Variants in SLC26A7 observed in about 807,000 individuals in gnomAD.
The protein encoded by SLC26A7 is anion exchange transporter.
In SLC26A7, 59 loss-of-function variants were observed where a neutral mutation model predicts 82.5. The ratio of observed to expected loss-of-function variants is 0.72; its 90% CI spans 0.58 to 0.89. SLC26A7 has a LOEUF of 0.89. Ranked by LOEUF, SLC26A7 falls within the 40% of genes least tolerant of loss-of-function variation. The pLI is 0.00. For missense variants in SLC26A7, 820 were observed against 793.0 expected, an observed-to-expected ratio of 1.03 and a Z score of -0.41; for synonymous variants, 271 against 274.3, an observed-to-expected ratio of 0.99 and a Z score of 0.12.
At chr8:91,374,572 C>T (rs1814456069) in intron 15 of SLC26A7, among the ~76,000 whole-genome samples, 1 of 151,906 alleles carries the variant, frequency 6.6e-6, no homozygotes, top group South Asian at 2.1e-4. Context: ...ACACTTTTAT[C>T]CCACTGTATT....
At chr8:91,307,605 C>T (rs2130793558) in intron 4 of SLC26A7, among the ~76,000 whole-genome samples, 1 of 132,626 alleles carries the variant, frequency 7.5e-6, no homozygotes. Flanking sequence ...ACAATGAGAT[C>T]ACATGGACAC....
chr8:91,296,782 A>T (rs186896489), intron 4 of SLC26A7, among the ~76,000 whole-genome samples: 4 of 152,158 alleles, frequency 2.6e-5, no homozygotes, highest in Non-Finnish European at 5.9e-5. Flanking sequence ...TATCTGAGCT[A>T]TCATAAAATA....
intron 2 of SLC26A7, among the ~76,000 whole-genome samples, chr8:91,285,253 C>A (rs2130759167): frequency 6.6e-6 from 1 of 152,384 alleles, no homozygotes; most frequent in East Asian, 1.9e-4. Context: ...TGTTCACATG[C>A]CTTCATCGTC....
At chr8:91,358,988 G>A (rs1027327942) in intron 11 of SLC26A7, among the ~76,000 whole-genome samples, 2 of 152,154 alleles carry the variant, frequency 1.3e-5, no homozygotes, top group African/African-American at 4.8e-5. Context: ...TAAATGACGA[G>A]TTAATGGCTG....
intron 16 of SLC26A7, among the ~76,000 whole-genome samples, chr8:91,393,147 A>T (rs1808455463): frequency 6.6e-6 from 1 of 152,142 alleles, no homozygotes; most frequent in East Asian, 1.9e-4. Flanking sequence ...AAACGCCTAA[A>T]TTTACTTTTA....
rs75822778 is a variant in SLC26A7, at chr8:91,338,769, A to G, written c.878+537A>G. 4.2e-3 allele frequency among the ~76,000 whole-genome samples: 633 copies of G among 152,292 alleles called. 5 individuals carry two copies. Among genetic ancestry groups the G allele is most frequent in the African/African-American group, 0.014 (575 of 41,584 alleles). On this transcript the variant is annotated intron_variant, in intron 7 of 18. Coordinates refer to ENST00000276609, the MANE Select transcript of SLC26A7 (RefSeq NM_052832.4). Reference sequence around the variant, plus strand: ...TAACAAAAGAGATGTTCACCCTAAAATGAGCAAAAGTTCGTACCACATATG... The same window carrying G: ...TAACAAAAGAGATGTTCACCCTAAAGTGAGCAAAAGTTCGTACCACATATG...
intron 11 of SLC26A7, among the ~76,000 whole-genome samples, chr8:91,358,039 A>G (rs13253596): frequency 0.45 from 68,800 of 152,066 alleles, 17,166 homozygotes; most frequent in African/African-American, 0.64. Context: ...TCAGAGAAAT[A>G]CAAATCAAAA....
At position 91,282,923 on chromosome 8, in the gene SLC26A7, A is replaced by G. The variant is rs564708038; in HGVS notation, c.194-6213A>G. 5.3e-5 allele frequency among the ~76,000 whole-genome samples: 8 copies of G among 152,136 alleles called. No homozygotes were observed. In the East Asian group the frequency reaches 5.8e-4, roughly 11 times the overall value. On this transcript the variant is annotated intron_variant, in intron 2 of 18. Transcript: ENST00000276609. ...ATCTACTCTTCATGCTTTTTTGTTC[A>G]TCTGTTACTCCTCATTCAGCACTCA...
At chr8:91,241,144 C>T (rs372692759) in intron 2 of SLC26A7, among the ~76,000 whole-genome samples, 5 of 152,198 alleles carry the variant, frequency 3.3e-5, no homozygotes, top group South Asian at 4.1e-4. Flanking sequence ...TAACCAGTTT[C>T]TACTTCTTGG....
upstream of SLC26A7, among the ~76,000 whole-genome samples, chr8:91,246,565 A>T (rs1181995867): frequency 6.6e-6 from 1 of 151,998 alleles, no homozygotes; most frequent in East Asian, 1.9e-4. Context: ...ATAGAAATAG[A>T]CTAGTGCACC....
At chr8:91,269,009 A>G (rs1436341800) in intron 2 of SLC26A7, among the ~76,000 whole-genome samples, 2 of 151,164 alleles carry the variant, frequency 1.3e-5, no homozygotes, top group East Asian at 1.9e-4. Context: ...TGACTTTTTG[A>G]TGTTTCAACT....
At chr8:91,321,910 G>A (rs1812800846) in intron 5 of SLC26A7, among the ~76,000 whole-genome samples, 1 of 38,614 alleles carries the variant, frequency 2.6e-5, no homozygotes, top group Non-Finnish European at 1.4e-4. Flanking sequence ...TGTCTTGTCT[G>A]TTTTGTGCAC....
At chr8:91,369,668 C>A (rs1175853923) in intron 14 of SLC26A7, 117 bp from the exon 15 acceptor site, 1 of 671,810 alleles carries the variant, frequency 1.5e-6, no homozygotes, top group Non-Finnish European at 2.4e-6. Context: ...TAGTGAAAAA[C>A]AATTTTGGAG....
At chr8:91,390,110 C>CT (rs1202015002) in intron 16 of SLC26A7, among the ~76,000 whole-genome samples, 9,768 of 139,166 alleles carry the variant, frequency 0.07, 497 homozygotes, top group African/African-American at 0.14. Flanking sequence ...CCCCACCCGC[C>CT]TTTTTTTTTT....
intron 5 of SLC26A7, among the ~76,000 whole-genome samples, chr8:91,329,509 TG>T (rs1174314511): frequency 2.6e-4 from 40 of 152,224 alleles, no homozygotes; most frequent in Middle Eastern, 3.4e-3. Flanking sequence ...ATAAAAACCC[TG>T]GGGGGTTTTC....
chr8:91,301,302 G>A (rs970449982), intron 4 of SLC26A7, among the ~76,000 whole-genome samples: 1 of 152,066 alleles, frequency 6.6e-6, no homozygotes. Flanking sequence ...GGAGCATCTA[G>A]TACTGGAGGT....
chr8:91,372,823 T>A (rs1458382110), intron 15 of SLC26A7, among the ~76,000 whole-genome samples: 2 of 151,772 alleles, frequency 1.3e-5, no homozygotes, highest in African/African-American at 4.8e-5. Context: ...TGAGTGGTAG[T>A]AATTTTAATG....
rs1809873966 is a variant in SLC26A7 at position 91,209,818 on chromosome 8, G to A, written c.-150+276G>A. On this transcript the variant is annotated intron_variant, in intron 1 of 5. Coordinates refer to the SLC26A7 transcript ENST00000522862. ...GGGAATGAGTAAGCCAAGAAGAGGA[G>A]ATATGAAAGGTTTTAAACAACTAGA... is the stretch of plus-strand genomic sequence containing the variant. 2.6e-5 allele frequency among the ~76,000 whole-genome samples: 4 copies of A among 152,290 alleles called. No homozygotes were observed. The South Asian group carries it at 8.3e-4, about 32-fold the overall frequency.
At chr8:91,226,038 C>G (rs966859293) in intron 2 of SLC26A7, among the ~76,000 whole-genome samples, 2 of 152,166 alleles carry the variant, frequency 1.3e-5, no homozygotes, top group Admixed American at 6.5e-5. Context: ...GTATTTCTCT[C>G]AAAACCATGT....
Sources: allele counts gnomAD v4.1 joint callset (sites outside exome capture counted in the v4.1 genomes callset), GRCh38; gene constraint gnomAD v4.1.1; transcripts MANE v1.5; gene names NCBI Gene and HGNC (gene_info 2026-07-23, HGNC 2026-07-21).